Variants in CSMD1 observed in about 807,000 individuals in gnomAD.
CSMD1 encodes CUB and sushi domain-containing protein 1.
In CSMD1, 213 loss-of-function variants were observed where a neutral mutation model predicts 417.5. That is an observed-to-expected ratio of 0.51 (90% CI 0.46 to 0.57). CSMD1 has a LOEUF of 0.57. Among genes scored for constraint, CSMD1 ranks in the 20% least tolerant of loss-of-function variants. The pLI, the probability that CSMD1 is intolerant of heterozygous loss-of-function variation, is 0.00. For synonymous variants in CSMD1, 2,862 were observed against 1,736.8 expected, an observed-to-expected ratio of 1.65 and a Z score of -16.11; for missense variants, 6,923 against 4,529.7, an observed-to-expected ratio of 1.53 and a Z score of -15.17.
chr8:3,433,712 T>A (rs1418032292), intron 12 of CSMD1, among the ~76,000 whole-genome samples: 1 of 152,190 alleles, frequency 6.6e-6, no homozygotes, highest in Non-Finnish European at 1.5e-5. Context: ...CAACCCCATA[T>A]TCTTATTTTC....
At chr8:4,161,463 C>T (rs182311741) in intron 3 of CSMD1, among the ~76,000 whole-genome samples, 1 of 152,150 alleles carries the variant, frequency 6.6e-6, no homozygotes, top group Admixed American at 6.6e-5. Flanking sequence ...AGTTGAATGG[C>T]TTACTCAAGG....
chr8:3,717,751 T>G (rs4875781), intron 6 of CSMD1, among the ~76,000 whole-genome samples: 82,306 of 151,956 alleles, frequency 0.54, 22,402 homozygotes, highest in Admixed American at 0.6. Flanking sequence ...TCTGCCTTTA[T>G]GACCTCTTTG....
At chr8:4,058,939 G>A (rs1482480679) in intron 3 of CSMD1, among the ~76,000 whole-genome samples, 3 of 152,062 alleles carry the variant, frequency 2.0e-5, no homozygotes, top group Admixed American at 6.6e-5. Flanking sequence ...GCACCAAGCG[G>A]GCCTAACAGA....
At chr8:4,973,328 A>C (rs1810354392) in intron 1 of CSMD1, among the ~76,000 whole-genome samples, 1 of 152,216 alleles carries the variant, frequency 6.6e-6, no homozygotes. Flanking sequence ...AGGCGAAGTC[A>C]ATAGAGTTCA....
intron 1 of CSMD1, among the ~76,000 whole-genome samples, chr8:4,769,478 G>A (rs895029833): frequency 8.5e-5 from 13 of 152,142 alleles, no homozygotes; most frequent in African/African-American, 2.4e-4. Flanking sequence ...AAATACCTAT[G>A]TATTAATATA....
At chr8:3,310,896 T>G (rs1805287759) in intron 23 of CSMD1, among the ~76,000 whole-genome samples, 1 of 152,060 alleles carries the variant, frequency 6.6e-6, no homozygotes, top group Admixed American at 6.6e-5. Context: ...TTAAAAAAAG[T>G]TTTTAAAAAG....
intron 1 of CSMD1, among the ~76,000 whole-genome samples, chr8:4,689,849 C>T (rs1040190042): frequency 5.3e-5 from 8 of 152,130 alleles, no homozygotes; most frequent in Non-Finnish European, 7.3e-5. Context: ...TAATACTAGA[C>T]TCATTGTATG....
intron 7 of CSMD1, among the ~76,000 whole-genome samples, chr8:3,664,205 CCT>C (rs1798564461): frequency 6.6e-6 from 1 of 152,142 alleles, no homozygotes; most frequent in African/African-American, 2.4e-5. Flanking sequence ...ACTACAGGCC[CCT>C]GTGTGTGATG....
chr8:4,752,929 T>C (rs1811426865), intron 1 of CSMD1, among the ~76,000 whole-genome samples: 1 of 152,210 alleles, frequency 6.6e-6, no homozygotes, highest in African/African-American at 2.4e-5. Context: ...GGCTTCCCAG[T>C]GGCGTGATGA....
chr8:3,720,212 G>C (rs962049519), intron 6 of CSMD1, among the ~76,000 whole-genome samples: 1 of 152,144 alleles, frequency 6.6e-6, no homozygotes, highest in East Asian at 1.9e-4. Flanking sequence ...GACGTCCATG[G>C]AGTTGGAAAC....
At chr8:4,399,929 T>A (rs1417372257) in intron 3 of CSMD1, among the ~76,000 whole-genome samples, 1 of 152,172 alleles carries the variant, frequency 6.6e-6, no homozygotes, top group Non-Finnish European at 1.5e-5. Context: ...TTGGCTTTTT[T>A]CTCCAGACCT....
At chr8:4,130,074 T>A (rs1803004293) in intron 3 of CSMD1, among the ~76,000 whole-genome samples, 2 of 152,056 alleles carry the variant, frequency 1.3e-5, no homozygotes, top group Non-Finnish European at 2.9e-5. Context: ...ACCTCCTGAG[T>A]GTGTGTGTGA....
chr8:3,700,139 A>C (rs1192285643), intron 7 of CSMD1, among the ~76,000 whole-genome samples: 1 of 152,146 alleles, frequency 6.6e-6, no homozygotes, highest in East Asian at 1.9e-4. Context: ...GATAAAAGAC[A>C]ACAAATATGG....
rs1010435051 is a variant in CSMD1, at chr8:4,444,447, G to A, written c.303-24382C>T. Among the ~76,000 whole-genome samples the A allele has an allele frequency of 3.3e-5, 5 of 149,574 alleles. No individual in the cohort carries two copies. The Admixed American group carries it at 3.3e-4, about 10-fold the overall frequency. On this transcript the variant is annotated intron_variant, in intron 2 of 69. Coordinates refer to ENST00000635120, the MANE Select transcript of CSMD1 (RefSeq NM_033225.6). ...TGGACAACTTTTAGATCAACAGCATGTGAGAAAACCACCTGAGGAAGACAT... is the reference window on the plus strand; with the variant it reads ...TGGACAACTTTTAGATCAACAGCATATGAGAAAACCACCTGAGGAAGACAT...
At chr8:3,311,184 C>G (rs1299235235) in intron 23 of CSMD1, among the ~76,000 whole-genome samples, 1 of 152,200 alleles carries the variant, frequency 6.6e-6, no homozygotes, top group African/African-American at 2.4e-5. Context: ...GGAAAATCAT[C>G]TAGCACAAAG....
chr8:3,899,516 C>T (rs751880431), intron 5 of CSMD1, among the ~76,000 whole-genome samples: 15 of 152,094 alleles, frequency 9.9e-5, no homozygotes, highest in African/African-American at 1.7e-4. Flanking sequence ...ATTTTGGATG[C>T]TGTCATAAGG....
At chr8:4,469,769 G>T (rs191075641) in intron 2 of CSMD1, among the ~76,000 whole-genome samples, 1 of 152,078 alleles carries the variant, frequency 6.6e-6, no homozygotes, top group African/African-American at 2.4e-5. Context: ...CTTGGAATAT[G>T]CCAGGCGACA....
At chr8:4,041,380 C>G (rs1025026336) in intron 3 of CSMD1, among the ~76,000 whole-genome samples, 1 of 152,094 alleles carries the variant, frequency 6.6e-6, no homozygotes, top group African/African-American at 2.4e-5. Flanking sequence ...AAAACTATGA[C>G]AAGAATTGTT....
intron 3 of CSMD1, among the ~76,000 whole-genome samples, chr8:4,177,942 C>A (rs1051128818): frequency 6.6e-6 from 1 of 152,074 alleles, no homozygotes; most frequent in African/African-American, 2.4e-5. Flanking sequence ...CAATCAATAG[C>A]TTATCAACCA....
Sources: gnomAD v4.1 joint callset for allele counts (sites outside exome capture counted in the v4.1 genomes callset) on GRCh38, gnomAD v4.1.1 for gene constraint, MANE v1.5 for transcripts, NCBI Gene and HGNC (gene_info 2026-07-23, HGNC 2026-07-21) for gene names.